The following CA12 variants were observed in gnomAD, a reference collection of about 807,000 sequenced individuals.
The protein encoded by CA12 is carbonic anhydrase 12.
CA12 carries 36 observed loss-of-function variants against 46.8 expected under a neutral mutation model. That is an observed-to-expected ratio of 0.77 (90% CI 0.59 to 1.02). The LOEUF is 1.02. Ranked by LOEUF, CA12 falls within the 50% of genes least tolerant of loss-of-function variation. The probability of loss-of-function intolerance (pLI) is 0.00; values close to 1 mark genes in which losing one functional copy is unlikely to be tolerated. For synonymous variants in CA12, 202 were observed against 187.0 expected (o/e 1.08, Z -0.65); for missense variants, 436 against 451.4 (o/e 0.97, Z 0.31).
At chr15:63,350,229 C>T (rs761562286) in intron 2 of CA12, among the ~76,000 whole-genome samples, 6 of 152,140 alleles carry the variant, frequency 3.9e-5, no homozygotes, top group Non-Finnish European at 7.3e-5. Context: ...GGGTGGGCAC[C>T]GGGACAACCA....
At chr15:63,371,470 C>T (rs562863421) in intron 2 of CA12, among the ~76,000 whole-genome samples, 1 of 152,298 alleles carries the variant, frequency 6.6e-6, no homozygotes, top group South Asian at 2.1e-4. Flanking sequence ...GCGGCCACAG[C>T]CACAGCCAGC....
At chr15:63,333,705 C>T (rs1050669065) in intron 8 of CA12, among the ~76,000 whole-genome samples, 2 of 152,174 alleles carry the variant, frequency 1.3e-5, no homozygotes. Flanking sequence ...CTTCTCCCTC[C>T]TTTTAAGGTT....
intron 2 of CA12, among the ~76,000 whole-genome samples, chr15:63,367,475 G>C (rs1203747278): frequency 6.6e-6 from 1 of 152,182 alleles, no homozygotes; most frequent in African/African-American, 2.4e-5. Flanking sequence ...GGCCCCACTT[G>C]CCAATGCCAG....
chr15:63,349,744 C>T (rs1389087952), intron 2 of CA12, among the ~76,000 whole-genome samples: 1 of 152,110 alleles, frequency 6.6e-6, no homozygotes, highest in Non-Finnish European at 1.5e-5. Flanking sequence ...ATTTTGTGCA[C>T]CTGGAATTTC....
At position 63,344,892 on chromosome 15, in the gene CA12, C is replaced by G. The variant is rs144049395; in HGVS notation, c.429+585G>C. Among the ~76,000 whole-genome samples the G allele has an allele frequency of 5.9e-5, 9 of 152,262 alleles. No individual in the cohort carries two copies. The East Asian group carries it at 1.5e-3, about 26-fold the overall frequency. On this transcript the variant is annotated intron_variant, in intron 4 of 10. Transcript: ENST00000178638. Reference sequence around the variant, plus strand: ...AGTAGCTTCTCAAGGCAACATGACACGATGCTGTGCTGGCTGACATCTTGT... The same window carrying G: ...AGTAGCTTCTCAAGGCAACATGACAGGATGCTGTGCTGGCTGACATCTTGT...
chr15:63,359,188 C>A (rs189598545), intron 2 of CA12, among the ~76,000 whole-genome samples: 117 of 152,286 alleles, frequency 7.7e-4, no homozygotes, highest in Non-Finnish European at 1.3e-3. Context: ...TGCTGGCTAC[C>A]CCCTTTGGAT....
chr15:63,370,297 A>T (rs890464795), intron 2 of CA12, among the ~76,000 whole-genome samples: 3 of 151,172 alleles, frequency 2.0e-5, no homozygotes, highest in Non-Finnish European at 4.4e-5. Context: ...CTACTAAAAA[A>T]TTTAAAAATT....
intron 2 of CA12, among the ~76,000 whole-genome samples, chr15:63,370,442 CAAAAA>C (rs58832010): frequency 1.3e-5 from 1 of 79,126 alleles, no homozygotes; most frequent in Non-Finnish European, 2.7e-5. Flanking sequence ...AGCCCTGTCT[CAAAAA>C]AAAAAAAAAA....
At chr15:63,381,552 T>C in intron 1 of CA12, 84 bp downstream of exon 1, 4 of 1,110,378 alleles carry the variant, frequency 3.6e-6, no homozygotes, top group Admixed American at 3.9e-5. Context: ...GCAGCAATGA[T>C]TTTACTTTAT....
At position 63,372,580 on chromosome 15, in the gene CA12, C is replaced by T. The variant is rs973879376; in HGVS notation, c.106+3078G>A. Among the ~76,000 whole-genome samples, 1 of 152,250 alleles carries T rather than the reference C, an allele frequency of 6.6e-6. No homozygotes were observed. The highest frequency in any genetic ancestry group is 2.4e-5 in the African/African-American group (1 of 41,470). On this transcript the variant is annotated intron_variant, in intron 2 of 10. Coordinates refer to ENST00000178638, the MANE Select transcript of CA12 (RefSeq NM_001218.5). This position sits in a 1 kb window ranked among gnomAD's most constrained non-coding sequence, Gnocchi z 4.5. Reference sequence around the variant, plus strand: ...AAGAAGCTGAGTTCTGCACATGAGCCACCATGCCCAGCACGGAGCCTTTGG... The same window carrying T: ...AAGAAGCTGAGTTCTGCACATGAGCTACCATGCCCAGCACGGAGCCTTTGG...
chr15:63,334,083 G>A (rs1445773656), intron 8 of CA12, among the ~76,000 whole-genome samples: 1 of 151,912 alleles, frequency 6.6e-6, no homozygotes, highest in Non-Finnish European at 1.5e-5. Flanking sequence ...CCCCTGTGAT[G>A]TCCCCCTGCC....
In CA12 at chr15:63,378,345, G is replaced by A. The variant is rs1453426304; in HGVS notation, c.86-2667C>T. On this transcript the variant is annotated intron_variant, in intron 1 of 10. Transcript: ENST00000178638. This position sits in a 1 kb window ranked among gnomAD's most constrained non-coding sequence, Gnocchi z 4.8. The stretch of plus-strand genomic sequence containing the variant: ...GGAGGTTGCAGTGAGCTGAGATTGT[G>A]CCATTGCACTCCAGAATGGGTGACA... Among the ~76,000 whole-genome samples the A allele has an allele frequency of 6.6e-6, 1 of 152,072 alleles. No homozygotes were observed.
chr15:63,357,459 T>A (rs2039309381), intron 2 of CA12, among the ~76,000 whole-genome samples: 1 of 152,146 alleles, frequency 6.6e-6, no homozygotes, highest in African/African-American at 2.4e-5. Flanking sequence ...CCAGCCCCAG[T>A]CCCTGAGATC....
rs766892303 is a variant in CA12 at position 63,331,956 on chromosome 15, G to T, written c.875-3826C>A. The T allele has an allele frequency of 6.6e-6, 1 of 152,138 alleles. No individual in the cohort carries two copies. The highest frequency in any genetic ancestry group is 1.5e-5 in the Non-Finnish European group (1 of 68,042). The allele number at this position is 152,138 out of a possible 1,614,324, so 9.4% of individuals were successfully genotyped here. ...TCTAGTATTTTCTAGCTCTATTTAC[G>T]ATTCTGTTTGACTGTGGACTATAAT... On this transcript the variant is annotated intron_variant, in intron 8 of 10. Coordinates refer to ENST00000178638, the MANE Select transcript of CA12 (RefSeq NM_001218.5). This position sits in a 1 kb window ranked among gnomAD's most constrained non-coding sequence, Gnocchi z 5.3.
chr15:63,346,821 C>T, intron 2 of CA12, 112 bp from the exon 3 acceptor site: 2 of 1,222,056 alleles, frequency 1.6e-6, no homozygotes, highest in Non-Finnish European at 2.4e-6. Context: ...TTCTGAATCC[C>T]CGGAGGTAAA....
rs2039518981 is a variant in CA12, at chr15:63,372,398, C to T, written c.106+3260G>A. The stretch of plus-strand genomic sequence containing the variant: ...GGCCCCATCTTGGCAGTCAGATGGT[C>T]CTCCTCTCTCCAGGGAGGAGCCATC... On this transcript the variant is annotated intron_variant, in intron 2 of 10. Transcript: ENST00000178638. The surrounding 1 kb of genome is among the most constrained non-coding windows in gnomAD (Gnocchi z 4.5). 1.3e-5 allele frequency among the ~76,000 whole-genome samples: 2 copies of T among 152,210 alleles called. No individual in the cohort carries two copies. Among genetic ancestry groups the T allele is most frequent in the African/African-American group, 2.4e-5 (1 of 41,458 alleles).
chr15:63,331,366 AG>A lies in CA12; in HGVS notation c.875-3237del, dbSNP rs2038935709. On this transcript the variant is annotated intron_variant, in intron 8 of 10. Coordinates refer to ENST00000178638, the MANE Select transcript of CA12 (RefSeq NM_001218.5). This position sits in a 1 kb window ranked among gnomAD's most constrained non-coding sequence, Gnocchi z 5.3. ...AACAGGCATCAAAGATGGTACAGGG[AG>A]GGGCAGAACTAGAGAAATTCACTTT... Among the ~76,000 whole-genome samples, 1 of 152,194 alleles carries A rather than the reference AG, an allele frequency of 6.6e-6. No homozygotes were observed. Among genetic ancestry groups the A allele is most frequent in the African/African-American group, 2.4e-5 (1 of 41,446 alleles).
chr15:63,381,260 T>C (rs2152629508), intron 1 of CA12, among the ~76,000 whole-genome samples: 1 of 152,292 alleles, frequency 6.6e-6, no homozygotes, highest in South Asian at 2.1e-4. Context: ...TTCTCTGTGC[T>C]TACCCCAATC....
intron 8 of CA12, 47 bp downstream of exon 8, chr15:63,338,772 G>T: frequency 1.2e-6 from 2 of 1,611,346 alleles, no homozygotes; most frequent in South Asian, 1.1e-5. Flanking sequence ...CCAATGTCTT[G>T]GCACCACACT....
Sources: allele counts gnomAD v4.1 joint callset (sites outside exome capture counted in the v4.1 genomes callset), GRCh38; gene constraint gnomAD v4.1.1; non-coding constraint Gnocchi (gnomAD v3.1); transcripts MANE v1.5; gene names NCBI Gene and HGNC (gene_info 2026-07-23, HGNC 2026-07-21).